Variants in RTN4 observed in about 807,000 individuals in gnomAD.
RTN4 encodes the protein reticulon-4.
RTN4 carries 32 observed loss-of-function variants against 90.4 expected under a neutral mutation model. The observed-to-expected ratio is 0.35, with a 90% CI of 0.27 to 0.48. RTN4 has a LOEUF of 0.48. Among genes scored for constraint, RTN4 ranks in the 20% least tolerant of loss-of-function variants. The pLI, the probability that RTN4 is intolerant of heterozygous loss-of-function variation, is 0.99. For missense variants in RTN4, 1,706 were observed against 1,430.2 expected (o/e 1.19, Z -3.11); for synonymous variants, 629 against 552.5 (o/e 1.14, Z -1.94).
At chr2:55,018,784 G>T (rs1681222364) in intron 3 of RTN4, among the ~76,000 whole-genome samples, 1 of 152,072 alleles carries the variant, frequency 6.6e-6, no homozygotes, top group African/African-American at 2.4e-5. Flanking sequence ...ATGTATATAA[G>T]CATTTCCTAG....
chr2:55,126,239 C>T, the RTN4 span, among the ~76,000 whole-genome samples: 1 of 151,968 alleles, frequency 6.6e-6, no homozygotes, highest in East Asian at 1.9e-4. Context: ...TGTGGTGGCG[C>T]ATGCCTGTAA....
At chr2:55,047,266 G>A (rs550995626) in intron 1 of RTN4, among the ~76,000 whole-genome samples, 1 of 151,254 alleles carries the variant, frequency 6.6e-6, no homozygotes, top group South Asian at 2.1e-4. Context: ...GGAGGCGGAG[G>A]TTGCAGTGAG....
At chr2:55,121,914 A>G in the RTN4 span, among the ~76,000 whole-genome samples, 2,011 of 152,270 alleles carry the variant, frequency 0.013, 26 homozygotes, top group East Asian at 0.037. Flanking sequence ...CAGAAAAACA[A>G]AAAGATTGCT....
In RTN4 at chr2:54,973,612, C is replaced by A. The variant is rs781640984; in HGVS notation, c.3487G>T (p.Asp1163Tyr). 1 of 1,609,508 alleles carries A rather than the reference C, an allele frequency of 6.2e-7. No homozygotes were observed. The highest frequency in any genetic ancestry group is 1.1e-5 in the South Asian group (1 of 90,956). ...TTATTTGCAAGTCCTAGATAATGAT[C>A]TATCTGTGCCTGAAAGAGAGGTATA... ...VIYERHQAQIDHYLGLANKNV... is the reference protein window; with the variant it reads ...VIYERHQAQIYHYLGLANKNV... Residue 1163 changes from aspartate (D) to tyrosine (Y), a missense_variant, in exon 8 of 9, where the codon GAT becomes TAT. Transcript: ENST00000337526.
At chr2:54,980,602 G>A (rs1421332871) in intron 5 of RTN4, among the ~76,000 whole-genome samples, 1 of 152,076 alleles carries the variant, frequency 6.6e-6, no homozygotes, top group Non-Finnish European at 1.5e-5. Context: ...GTGTATCTCT[G>A]TTGCCGTGTT....
At chr2:55,122,135 C>T in the RTN4 span, among the ~76,000 whole-genome samples, 1 of 151,924 alleles carries the variant, frequency 6.6e-6, no homozygotes, top group Non-Finnish European at 1.5e-5. Context: ...GTAGGGGCCC[C>T]CTCTAGATAA....
intron 3 of RTN4, among the ~76,000 whole-genome samples, chr2:55,001,861 C>T (rs1185835294): frequency 6.6e-6 from 1 of 152,146 alleles, no homozygotes; most frequent in Non-Finnish European, 1.5e-5. Context: ...CCATTTTGTG[C>T]TAGTATACAA....
Position 55,028,188 on chromosome 2 carries a change from C to T in RTN4, c.589G>A (p.Glu197Lys), listed in dbSNP as rs1682047349. The T allele has an allele frequency of 1.2e-6, 2 of 1,612,970 alleles. No homozygotes were observed. Among genetic ancestry groups the T allele is most frequent in the Non-Finnish European group, 1.7e-6 (2 of 1,179,444 alleles). ...ETLFALPAAS[E>K]PVIRSSAENM... ...CCTGCAGAGGAGCGTATCACAGGCT[C>T]AGATGCAGCAGGAAGAGCAAAAAGG... is the stretch of plus-strand genomic sequence containing the variant. Residue 197 changes from glutamate (E) to lysine (K), a missense_variant, in exon 2 of 9, where the codon GAG becomes AAG. Physicochemically the swap from Glu to Lys is moderately conservative, Grantham distance 56. Transcript: ENST00000337526.
intron 1 of RTN4, among the ~76,000 whole-genome samples, chr2:55,030,790 T>A (rs185279685): frequency 2.0e-5 from 3 of 152,338 alleles, no homozygotes; most frequent in Admixed American, 1.3e-4. Context: ...TGTATTTATG[T>A]ACAAGTGCAA....
chr2:55,010,387 T>C, intron 3 of RTN4: 2 of 1,270,588 alleles, frequency 1.6e-6, no homozygotes, highest in Non-Finnish European at 2.0e-6. Context: ...GTTTTAGGCA[T>C]TTGCCTTGTT....
At chr2:55,135,095 ATTTCTATT>A in the RTN4 span, among the ~76,000 whole-genome samples, 1 of 152,180 alleles carries the variant, frequency 6.6e-6, no homozygotes, top group Non-Finnish European at 1.5e-5. Context: ...GTGAGACTCC[ATTTCTATT>A]AAAAAAATGT....
At chr2:55,081,009 C>G (rs1668703112) in intron 1 of RTN4, among the ~76,000 whole-genome samples, 1 of 152,196 alleles carries the variant, frequency 6.6e-6, no homozygotes, top group South Asian at 2.1e-4. Flanking sequence ...TCAAAAGGTA[C>G]ACTGTATTCA....
intron 1 of RTN4, among the ~76,000 whole-genome samples, chr2:55,036,429 C>T (rs933921861): frequency 2.6e-5 from 4 of 151,792 alleles, no homozygotes; most frequent in Admixed American, 6.6e-5. Context: ...TGGTAAGACC[C>T]TGTCTCTACT....
intron 1 of RTN4, among the ~76,000 whole-genome samples, chr2:55,092,449 G>A (rs997984242): frequency 1.3e-5 from 2 of 151,994 alleles, no homozygotes; most frequent in Non-Finnish European, 2.9e-5. Flanking sequence ...TGTCAGCCTG[G>A]TCTCAAACTC....
chr2:54,992,305 T>C (rs1322066094), intron 3 of RTN4, among the ~76,000 whole-genome samples: 1 of 152,228 alleles, frequency 6.6e-6, no homozygotes, highest in Non-Finnish European at 1.5e-5. Context: ...ATATTCTCCA[T>C]TGTATGATGC....
chr2:54,982,879 C>G (rs1425861893), intron 4 of RTN4, among the ~76,000 whole-genome samples: 1 of 152,166 alleles, frequency 6.6e-6, no homozygotes, highest in East Asian at 1.9e-4. Flanking sequence ...CCAGACTGAT[C>G]TGGGCTTGAA....
intron 2 of RTN4, among the ~76,000 whole-genome samples, chr2:55,055,935 A>T (rs1001844642): frequency 1.3e-5 from 2 of 151,934 alleles, no homozygotes; most frequent in African/African-American, 4.8e-5. Context: ...ACATGTATAT[A>T]CATATATGTA....
intron 1 of RTN4, among the ~76,000 whole-genome samples, chr2:55,082,877 C>T (rs1189925967): frequency 6.6e-6 from 1 of 152,110 alleles, no homozygotes; most frequent in Admixed American, 6.5e-5. Flanking sequence ...CCAAGTCACA[C>T]AGCTAAGAAG....
chr2:55,045,645 AAAC>A (rs758133039), intron 1 of RTN4, among the ~76,000 whole-genome samples: 1 of 152,252 alleles, frequency 6.6e-6, no homozygotes. Flanking sequence ...ATAACTTTAG[AAAC>A]AACAATTAAA....
Sources: gnomAD v4.1 joint callset for allele counts (sites outside exome capture counted in the v4.1 genomes callset) on GRCh38, gnomAD v4.1.1 for gene constraint, MANE v1.5 for transcripts, NCBI Gene and HGNC (gene_info 2026-07-23, HGNC 2026-07-21) for gene names.